The following FARS2 variants were observed in gnomAD, a reference collection of about 807,000 sequenced individuals.
FARS2 encodes phenylalanine--tRNA ligase, mitochondrial.
In FARS2, 40 loss-of-function variants were observed where a neutral mutation model predicts 46.4. That is an observed-to-expected ratio of 0.86 (90% CI 0.67 to 1.12). FARS2 has a LOEUF of 1.12. Ranked by LOEUF, FARS2 falls within the 50% of genes most tolerant of loss-of-function variation. The probability of loss-of-function intolerance (pLI) is 0.00; values close to 1 mark genes in which losing one functional copy is unlikely to be tolerated. For missense variants in FARS2, 513 were observed against 567.9 expected (o/e 0.90, Z 0.98); for synonymous variants, 234 against 214.9 (o/e 1.09, Z -0.78).
chr6:5,301,075 G>A (rs1476976460), intron 1 of FARS2, among the ~76,000 whole-genome samples: 1 of 151,804 alleles, frequency 6.6e-6, no homozygotes, highest in East Asian at 1.9e-4. Context: ...GGGGTGGGAG[G>A]GAGTGTTTGG....
chr6:5,498,923 A>G (rs1767632293), intron 4 of FARS2, among the ~76,000 whole-genome samples: 1 of 152,034 alleles, frequency 6.6e-6, no homozygotes, highest in Non-Finnish European at 1.5e-5. Context: ...CTTGAGATGG[A>G]GTCTCACTCT....
Position 5,418,874 on chromosome 6 carries a change from T to TTTATTATTATTA in FARS2, c.773-12154_773-12143dup, listed in dbSNP as rs111451171. Among the ~76,000 whole-genome samples, 7 of 150,062 alleles carry TTTATTATTATTA rather than the reference T, an allele frequency of 4.7e-5. No individual in the cohort carries two copies. The South Asian group carries it at 6.3e-4, about 14-fold the overall frequency. ...TGGTGTGATTTTATATATTTGTCTT[T>TTTATTATTATTA]TTATTATTATTATTATTATTATTAG... is the stretch of plus-strand genomic sequence containing the variant. On this transcript the variant is annotated intron_variant, in intron 3 of 6. Coordinates refer to ENST00000274680, the MANE Select transcript of FARS2 (RefSeq NM_006567.5).
chr6:5,751,436 T>C (rs1284377981), intron 6 of FARS2, among the ~76,000 whole-genome samples: 2 of 152,212 alleles, frequency 1.3e-5, no homozygotes, highest in African/African-American at 2.4e-5. Flanking sequence ...AAGGAGCCAT[T>C]GTGTGAACTG....
intron 4 of FARS2, among the ~76,000 whole-genome samples, chr6:5,505,658 A>G (rs1032526274): frequency 1.3e-5 from 2 of 152,208 alleles, no homozygotes; most frequent in Non-Finnish European, 2.9e-5. Context: ...TTCCCGCAAC[A>G]TACTGTCCCT....
At chr6:5,312,392 T>G (rs940529979) in intron 1 of FARS2, among the ~76,000 whole-genome samples, 4 of 152,202 alleles carry the variant, frequency 2.6e-5, no homozygotes, top group African/African-American at 9.7e-5. Flanking sequence ...CCTTGAGAAG[T>G]AGACTGAATT....
intron 4 of FARS2, among the ~76,000 whole-genome samples, chr6:5,501,660 A>G (rs564549221): frequency 5.3e-4 from 80 of 151,874 alleles, no homozygotes; most frequent in African/African-American, 1.8e-3. Context: ...ACACCCATCT[A>G]ATTTTTGTAT....
intron 5 of FARS2, among the ~76,000 whole-genome samples, chr6:5,591,461 G>A (rs1327287404): frequency 1.3e-5 from 2 of 152,220 alleles, no homozygotes; most frequent in African/African-American, 4.8e-5. Context: ...AACACAAGAC[G>A]TGACTTCTGC....
intron 6 of FARS2, among the ~76,000 whole-genome samples, chr6:5,760,665 A>G (rs551815842): frequency 2.0e-5 from 3 of 152,148 alleles, no homozygotes; most frequent in East Asian, 3.9e-4. Context: ...TCTGTACTCT[A>G]CCGTCTGTAC....
At chr6:5,384,536 G>A (rs1391425601) in intron 2 of FARS2, among the ~76,000 whole-genome samples, 2 of 152,194 alleles carry the variant, frequency 1.3e-5, no homozygotes, top group Admixed American at 6.5e-5. Context: ...GAGAGCACAT[G>A]TTTTGGTCAC....
intron 1 of FARS2, among the ~76,000 whole-genome samples, chr6:5,346,778 C>T (rs747711884): frequency 4.6e-5 from 7 of 151,812 alleles, no homozygotes; most frequent in East Asian, 1.9e-4. Context: ...GTTTCAAATA[C>T]GCTTCAGAAT....
intron 6 of FARS2, among the ~76,000 whole-genome samples, chr6:5,715,124 G>T: frequency 6.6e-6 from 1 of 152,126 alleles, no homozygotes. Context: ...TTTAACTCGT[G>T]CACGCCCATA....
chr6:5,418,672 G>A (rs563556515), intron 3 of FARS2, among the ~76,000 whole-genome samples: 107 of 152,132 alleles, frequency 7.0e-4, no homozygotes, highest in East Asian at 1.2e-3. Flanking sequence ...AGAGTTCTTC[G>A]CGCAGCTCTC....
At chr6:5,260,526 G>A, upstream of FARS2, 3 of 1,343,660 alleles carry the variant, frequency 2.2e-6, no homozygotes, top group Non-Finnish European at 3.0e-6. Context: ...CCCGGTCCTT[G>A]CCTCGCAGCC....
rs57189455 is a variant in FARS2 at position 5,514,089 on chromosome 6, C to CATATATATATATATAT, written c.905-31086_905-31071dup. Among the ~76,000 whole-genome samples the CATATATATATATATAT allele has an allele frequency of 2.6e-3, 380 of 147,088 alleles. 4 individuals carry two copies. Among genetic ancestry groups the CATATATATATATATAT allele is most frequent in the African/African-American group, 9.0e-3 (357 of 39,704 alleles). On this transcript the variant is annotated intron_variant, in intron 4 of 6. Transcript: ENST00000274680. ...TAGAAAATTAACATAAAAATCTGGA[C>CATATATATATATATAT]ATATATATATATATATATATGATAA... is the stretch of plus-strand genomic sequence containing the variant.
chr6:5,266,201 C>T (rs973269088), intron 1 of FARS2, among the ~76,000 whole-genome samples: 4 of 152,148 alleles, frequency 2.6e-5, no homozygotes, highest in East Asian at 1.9e-4. Context: ...TCATGACCTG[C>T]GGAAGGCTTT....
chr6:5,516,032 C>T (rs564080277), intron 4 of FARS2, among the ~76,000 whole-genome samples: 27 of 152,286 alleles, frequency 1.8e-4, no homozygotes, highest in East Asian at 7.7e-4. Context: ...CTTAGCACAA[C>T]GAGGTTATGT....
At chr6:5,627,146 A>C (rs555464527) in intron 6 of FARS2, among the ~76,000 whole-genome samples, 1 of 152,332 alleles carries the variant, frequency 6.6e-6, no homozygotes, top group East Asian at 1.9e-4. Flanking sequence ...GCTCCACTAT[A>C]ATCTTATGGG....
intron 6 of FARS2, among the ~76,000 whole-genome samples, chr6:5,631,964 G>C (rs1776311400): frequency 6.6e-6 from 1 of 152,138 alleles, no homozygotes; most frequent in Non-Finnish European, 1.5e-5. Context: ...ATGCTTCCTT[G>C]AGTGGCTAAT....
At chr6:5,415,012 T>C (rs13205941) in intron 3 of FARS2, among the ~76,000 whole-genome samples, 2 of 151,528 alleles carry the variant, frequency 1.3e-5, no homozygotes, top group Non-Finnish European at 2.9e-5. Flanking sequence ...AGAGACCGGG[T>C]TTCACCAACT....
Sources: allele counts gnomAD v4.1 joint callset (sites outside exome capture counted in the v4.1 genomes callset), GRCh38; gene constraint gnomAD v4.1.1; transcripts MANE v1.5; gene names NCBI Gene and HGNC (gene_info 2026-07-23, HGNC 2026-07-21).